LEKR1: variants seen among roughly 807,000 people sequenced by gnomAD.
LEKR1 encodes the protein protein LEKR1.
Under a neutral mutation model 72.4 loss-of-function variants are expected in LEKR1, and 59 were observed. That is an observed-to-expected ratio of 0.82 (90% CI 0.66 to 1.01). The LOEUF is 1.01. LEKR1 is among the 50% of genes least tolerant of loss of function. The pLI, the probability that LEKR1 is intolerant of heterozygous loss-of-function variation, is 0.00. For missense variants in LEKR1, 728 were observed against 759.2 expected, an observed-to-expected ratio of 0.96 and a Z score of 0.48; for synonymous variants, 257 against 263.2, an observed-to-expected ratio of 0.98 and a Z score of 0.23.
At chr3:156,905,865 C>G (rs1722477863) in intron 3 of LEKR1, among the ~76,000 whole-genome samples, 1 of 152,060 alleles carries the variant, frequency 6.6e-6, no homozygotes, top group South Asian at 2.1e-4. Context: ...GAAGTACTAC[C>G]TTGTTTTGAT....
chr3:156,944,296 TA>T (rs1161465659), intron 6 of LEKR1, among the ~76,000 whole-genome samples: 1 of 151,802 alleles, frequency 6.6e-6, no homozygotes, highest in Non-Finnish European at 1.5e-5. Context: ...ATAGTAGGGG[TA>T]TATATTTATA....
chr3:156,944,856 G>A (rs1417136334), intron 6 of LEKR1, among the ~76,000 whole-genome samples: 1 of 151,550 alleles, frequency 6.6e-6, no homozygotes, highest in Non-Finnish European at 1.5e-5. Context: ...CTTGGCTATT[G>A]TGAATAGTGC....
At chr3:156,965,382 T>C (rs1728478825) in intron 6 of LEKR1, among the ~76,000 whole-genome samples, 1 of 152,152 alleles carries the variant, frequency 6.6e-6, no homozygotes, top group Admixed American at 6.5e-5. Flanking sequence ...ATTTTTTGCA[T>C]GAACAATTCT....
intron 9 of LEKR1, among the ~76,000 whole-genome samples, chr3:156,994,183 A>T (rs944283895): frequency 6.6e-6 from 1 of 152,072 alleles, no homozygotes; most frequent in Non-Finnish European, 1.5e-5. Context: ...ATAATTTAGA[A>T]GAGTTACAAT....
At chr3:156,893,726 G>A (rs1720900839) in intron 3 of LEKR1, among the ~76,000 whole-genome samples, 1 of 152,180 alleles carries the variant, frequency 6.6e-6, no homozygotes, top group Non-Finnish European at 1.5e-5. Context: ...CTTACAGCCT[G>A]TAGAACTGTG....
intron 3 of LEKR1, among the ~76,000 whole-genome samples, chr3:156,917,558 T>C (rs759725271): frequency 5.3e-5 from 8 of 152,100 alleles, no homozygotes; most frequent in Non-Finnish European, 1.0e-4. Flanking sequence ...GGGAATGTCA[T>C]TGGATTTCTC....
At position 157,045,914 on chromosome 3, in the gene LEKR1, T is replaced by C. The variant is rs1412495363; in HGVS notation, c.*164T>C. 6.2e-6 allele frequency: 4 copies of C among 643,202 alleles called. No homozygotes were observed. The highest frequency in any genetic ancestry group is 1.0e-5 in the Non-Finnish European group (4 of 386,312). The allele number at this position is 643,202 out of a possible 1,614,324, so 39.8% of individuals were successfully genotyped here. On this transcript the variant is annotated 3_prime_UTR_variant, in exon 13 of 13. Transcript: ENST00000356539. The stretch of plus-strand genomic sequence containing the variant: ...AAGACTGTAAAAAGCTGGAAAATTG[T>C]GAAGCCTTATTTTTCAAGAGGGTTT...
chr3:156,978,456 C>T (rs1247470806), intron 6 of LEKR1, among the ~76,000 whole-genome samples: 3 of 152,132 alleles, frequency 2.0e-5, no homozygotes, highest in African/African-American at 7.2e-5. Flanking sequence ...TCTCAAAAAG[C>T]GTACCAGCAA....
intron 10 of LEKR1, among the ~76,000 whole-genome samples, chr3:157,021,861 G>T (rs1457604991): frequency 1.3e-5 from 2 of 151,890 alleles, no homozygotes; most frequent in African/African-American, 4.8e-5. Flanking sequence ...AGAACTATGT[G>T]ACTATTAATT....
chr3:156,924,707 A>G (rs1012962640), intron 4 of LEKR1: 3 of 413,596 alleles, frequency 7.3e-6, no homozygotes, highest in East Asian at 3.5e-5. Context: ...TTAGAGGCCA[A>G]TTTTTCCTTA....
chr3:156,876,970 G>A (rs1647139513), intron 3 of LEKR1, among the ~76,000 whole-genome samples: 1 of 152,134 alleles, frequency 6.6e-6, no homozygotes, highest in Non-Finnish European at 1.5e-5. Context: ...GTCATAGATA[G>A]CTTTTATTAC....
intron 9 of LEKR1, 68 bp downstream of exon 9, chr3:156,993,345 A>G: frequency 2.0e-6 from 2 of 988,822 alleles, no homozygotes; most frequent in Non-Finnish European, 3.0e-6. Flanking sequence ...TATATTTGCA[A>G]CATCAGTGTC....
At chr3:157,023,880 T>C (rs1340736174) in intron 10 of LEKR1, among the ~76,000 whole-genome samples, 1 of 152,220 alleles carries the variant, frequency 6.6e-6, no homozygotes, top group Non-Finnish European at 1.5e-5. Flanking sequence ...CACCTTTCAG[T>C]GGGGTTACAT....
At chr3:156,831,194 G>A (rs977255774) in intron 2 of LEKR1, among the ~76,000 whole-genome samples, 1 of 152,030 alleles carries the variant, frequency 6.6e-6, no homozygotes, top group African/African-American at 2.4e-5. Flanking sequence ...AAGACGGAGA[G>A]TCCAAGTGGG....
intron 7 of LEKR1, chr3:156,988,642 C>A (rs1730899229): frequency 1.3e-5 from 3 of 236,592 alleles, no homozygotes; most frequent in South Asian, 1.9e-4. Context: ...AAGAACCAGT[C>A]CCTCCACCAA....
intron 6 of LEKR1, among the ~76,000 whole-genome samples, chr3:156,946,317 G>A (rs1291931196): frequency 6.6e-6 from 1 of 151,522 alleles, no homozygotes; most frequent in Non-Finnish European, 1.5e-5. Context: ...TACTGAATTA[G>A]TTTATCAGTT....
intron 2 of LEKR1, among the ~76,000 whole-genome samples, chr3:156,831,908 A>G (rs1413088078): frequency 1.3e-5 from 2 of 152,174 alleles, no homozygotes; most frequent in African/African-American, 2.4e-5. Flanking sequence ...TCTCACTGTT[A>G]CAATTTTTGC....
intron 3 of LEKR1, among the ~76,000 whole-genome samples, chr3:156,892,140 G>T (rs1720730721): frequency 6.6e-6 from 1 of 152,152 alleles, no homozygotes; most frequent in South Asian, 2.1e-4. Flanking sequence ...AACAATCGGG[G>T]AGAGGGGATA....
intron 9 of LEKR1, among the ~76,000 whole-genome samples, chr3:157,004,374 T>C (rs1030449677): frequency 1.2e-4 from 18 of 152,304 alleles, no homozygotes; most frequent in East Asian, 7.7e-4. Context: ...TTCACAATTA[T>C]TGTTAAAGAT....
Sources: gnomAD v4.1 joint callset for allele counts (sites outside exome capture counted in the v4.1 genomes callset) on GRCh38, gnomAD v4.1.1 for gene constraint, MANE v1.5 for transcripts, NCBI Gene and HGNC (gene_info 2026-07-23, HGNC 2026-07-21) for gene names.